TPM4: variants seen among roughly 807,000 people sequenced by gnomAD.
TPM4 encodes the protein tropomyosin alpha-4 chain.
A neutral mutation model predicts 35.8 loss-of-function variants in TPM4; 17 were observed. The observed-to-expected ratio is 0.47, with a 90% CI of 0.32 to 0.71. The LOEUF is 0.71. Ranked by LOEUF, TPM4 falls within the 30% of genes least tolerant of loss-of-function variation. The pLI, the probability that TPM4 is intolerant of heterozygous loss-of-function variation, is 0.03. For synonymous variants in TPM4, 120 were observed against 122.9 expected (o/e 0.98, Z 0.15); for missense variants, 240 against 320.9 (o/e 0.75, Z 1.93).
At position 16,081,977 on chromosome 19, in the gene TPM4, C is replaced by G. The variant is rs2090488977; in HGVS notation, c.197C>G (p.Ala66Gly). The G allele has an allele frequency of 1.2e-6, 2 of 1,611,606 alleles. No homozygotes were observed. The highest frequency in any genetic ancestry group is 1.7e-6 in the Non-Finnish European group (2 of 1,178,068). The change falls in exon 2 of 8, where the codon GCT (alanine) becomes GGT (glycine). Residue 66 changes from alanine (A) to glycine (G), a missense_variant. Physicochemically the swap from Ala to Gly is moderately conservative, Grantham distance 60. Transcript: ENST00000643579. ...CTCGTTGAGGAGGAGTTGGACAGGG[C>G]TCAGGAACGACTGGCCACGGCCCTG... Reference protein sequence around the residue: ...IQLVEEELDRAQERLATALQK... With the variant: ...IQLVEEELDRGQERLATALQK...
intron 2 of TPM4, among the ~76,000 whole-genome samples, chr19:16,068,366 G>A (rs967875977): frequency 1.3e-5 from 2 of 152,116 alleles, no homozygotes; most frequent in Non-Finnish European, 2.9e-5. Context: ...AGTAGAGACC[G>A]GATTTCGCCA....
chr19:16,080,443 G>T (rs1179774997), intron 1 of TPM4: 1 of 196,636 alleles, frequency 5.1e-6, no homozygotes. Flanking sequence ...AGGCAGTCCG[G>T]TAACTAATCA....
chr19:16,092,596 C>T (rs971044750), intron 5 of TPM4, among the ~76,000 whole-genome samples: 14 of 151,140 alleles, frequency 9.3e-5, no homozygotes, highest in Non-Finnish European at 1.9e-4. Context: ...AGTGCGGTGG[C>T]GCCATCTGGC....
intron 1 of TPM4, chr19:16,076,919 C>T: frequency 1.9e-6 from 2 of 1,036,474 alleles, no homozygotes; most frequent in Non-Finnish European, 2.4e-6. Flanking sequence ...GGGGCGCCGC[C>T]TCCGGGTCGG....
chr19:16,073,824 T>G (rs1482698708), upstream of TPM4, among the ~76,000 whole-genome samples: 2 of 150,678 alleles, frequency 1.3e-5, no homozygotes, highest in Non-Finnish European at 3.0e-5. Flanking sequence ...GTTCACACTT[T>G]CCAGCTACTC....
At chr19:16,076,801 C>A (rs1256379249) in intron 1 of TPM4, 104 bp downstream of exon 1, 5 of 1,265,740 alleles carry the variant, frequency 4.0e-6, no homozygotes, top group East Asian at 6.5e-5. Flanking sequence ...GTCCTCGGGC[C>A]GCCTTTTTAC....
At chr19:16,072,100 G>A (rs143354461), upstream of TPM4, among the ~76,000 whole-genome samples, 3 of 152,364 alleles carry the variant, frequency 2.0e-5, no homozygotes, top group Admixed American at 6.5e-5. Context: ...AATTACAGGC[G>A]TGAGCCACTG....
chr19:16,097,248 C>T (rs924098043), intron 7 of TPM4, among the ~76,000 whole-genome samples: 4 of 151,360 alleles, frequency 2.6e-5, no homozygotes, highest in African/African-American at 7.3e-5. Flanking sequence ...GCCACTTTGC[C>T]CGGCCCAGGC....
intron 5 of TPM4, among the ~76,000 whole-genome samples, chr19:16,090,069 G>T (rs1384672742): frequency 1.3e-5 from 2 of 151,904 alleles, no homozygotes; most frequent in Non-Finnish European, 2.9e-5. Context: ...GATCTCAAGT[G>T]ATCTGCCCGC....
chr19:16,072,267 G>A (rs1599358381), upstream of TPM4, among the ~76,000 whole-genome samples: 2 of 152,314 alleles, frequency 1.3e-5, no homozygotes, highest in South Asian at 4.1e-4. Context: ...TCCAAGCTGA[G>A]GGAGACAGAC....
intron 1 of TPM4, chr19:16,081,162 A>G (rs2090477648): frequency 2.5e-6 from 1 of 397,946 alleles, no homozygotes; most frequent in Non-Finnish European, 4.4e-6. Flanking sequence ...AACTCACAGG[A>G]CACAATGAGC....
In TPM4 at chr19:16,089,039, G is replaced by T; in HGVS notation, c.456-6G>T. The T allele has an allele frequency of 6.2e-7, 1 of 1,614,008 alleles. No homozygotes were observed. Among genetic ancestry groups the T allele is most frequent in the East Asian group, 2.2e-5 (1 of 44,880 alleles). On this transcript the variant is annotated splice_region_variant and splice_polypyrimidine_tract_variant and intron_variant, in intron 4 of 7. Transcript: ENST00000643579. ...TAAGACACAAAAATCCTTTGTCTTTGTGCAGAAAATGTGGTGACCTGGAAG... is the reference window on the plus strand; with the variant it reads ...TAAGACACAAAAATCCTTTGTCTTTTTGCAGAAAATGTGGTGACCTGGAAG...
At chr19:16,068,645 G>T (rs1313803311) in intron 2 of TPM4, among the ~76,000 whole-genome samples, 1 of 152,212 alleles carries the variant, frequency 6.6e-6, no homozygotes, top group African/African-American at 2.4e-5. Flanking sequence ...ACATGTCTGT[G>T]TGTGTACACA....
At chr19:16,072,983 T>C (rs73515759), upstream of TPM4, among the ~76,000 whole-genome samples, 3,267 of 152,202 alleles carry the variant, frequency 0.021, 137 homozygotes, top group African/African-American at 0.075. Context: ...GCCTTATCCC[T>C]GTCCTCACAT....
intron 7 of TPM4, among the ~76,000 whole-genome samples, chr19:16,098,854 C>CTT (rs2090732085): frequency 6.6e-6 from 1 of 151,940 alleles, no homozygotes; most frequent in African/African-American, 2.4e-5. Context: ...ATTTAAAATC[C>CTT]TAGCTCTACT....
chr19:16,068,429 G>C (rs1319745211), intron 2 of TPM4, among the ~76,000 whole-genome samples: 5 of 152,140 alleles, frequency 3.3e-5, no homozygotes. Flanking sequence ...GCCCGCGTCT[G>C]CCTCCCAAAG....
At chr19:16,089,216 C>T in intron 5 of TPM4, 96 bp downstream of exon 5, 1 of 1,521,390 alleles carries the variant, frequency 6.6e-7, no homozygotes. Flanking sequence ...GGGGAATCTG[C>T]CCTTTATTTA....
At chr19:16,078,695 GAGA>G (rs2090443014) in intron 1 of TPM4, among the ~76,000 whole-genome samples, 1 of 152,182 alleles carries the variant, frequency 6.6e-6, no homozygotes, top group Non-Finnish European at 1.5e-5. Flanking sequence ...CTAGTTGGGA[GAGA>G]AGATGTTTTT....
At chr19:16,087,905 A>T in intron 3 of TPM4, 122 bp from the exon 4 acceptor site, 1 of 1,048,050 alleles carries the variant, frequency 9.5e-7, no homozygotes, top group East Asian at 2.6e-5. Flanking sequence ...AAACACCAGA[A>T]AAACCCATGT....
Sources: gnomAD v4.1 joint callset for allele counts (sites outside exome capture counted in the v4.1 genomes callset) on GRCh38, gnomAD v4.1.1 for gene constraint, MANE v1.5 for transcripts, NCBI Gene and HGNC (gene_info 2026-07-23, HGNC 2026-07-21) for gene names.